MAPK14: variants seen among roughly 807,000 people sequenced by gnomAD.
MAPK14 encodes CSAID-binding protein.
MAPK14 carries 16 observed loss-of-function variants against 49.6 expected under a neutral mutation model. The ratio of observed to expected loss-of-function variants is 0.32; its 90% CI spans 0.22 to 0.49. The LOEUF (loss-of-function observed/expected upper bound fraction) is 0.49. MAPK14 is among the 20% of genes least tolerant of loss of function. The probability of loss-of-function intolerance (pLI) is 0.99; values close to 1 mark genes in which losing one functional copy is unlikely to be tolerated. For synonymous variants in MAPK14, 142 were observed against 158.0 expected, an observed-to-expected ratio of 0.90 and a Z score of 0.76; for missense variants, 200 against 441.2, an observed-to-expected ratio of 0.45 and a Z score of 4.90.
rs190586365 is a variant in MAPK14, at chr6:36,072,067, G to A, written c.306-806G>A. Among the ~76,000 whole-genome samples, 52 of 152,204 alleles carry A rather than the reference G, an allele frequency of 3.4e-4. 1 individual carries two copies. The East Asian group carries it at 9.9e-3, about 29-fold the overall frequency. On this transcript the variant is annotated intron_variant, in intron 3 of 11. Coordinates refer to ENST00000229794, the MANE Select transcript of MAPK14 (RefSeq NM_139012.3). ...TGTAAATGTTTAGAACAGATGGCAGGTAGTTAAAGTTAGAATAGTAATGTT... is the reference window on the plus strand; with the variant it reads ...TGTAAATGTTTAGAACAGATGGCAGATAGTTAAAGTTAGAATAGTAATGTT...
At chr6:36,047,982 T>C (rs1763248682) in intron 1 of MAPK14, among the ~76,000 whole-genome samples, 1 of 151,952 alleles carries the variant, frequency 6.6e-6, no homozygotes, top group Non-Finnish European at 1.5e-5. Flanking sequence ...AACCTTAGCC[T>C]CCCAAAGTGC....
Position 36,050,049 on chromosome 6 carries a change from A to G in MAPK14, c.117-2650A>G, listed in dbSNP as rs545053368. Among the ~76,000 whole-genome samples the G allele has an allele frequency of 3.9e-5, 6 of 152,358 alleles. No homozygotes were observed. In the South Asian group the frequency reaches 1.2e-3, roughly 32 times the overall value. On this transcript the variant is annotated intron_variant, in intron 1 of 11. Transcript: ENST00000229794. ...TTTCGAGTAGGAAAATGAACTTACT[A>G]GAAGAAAATGGCTTTATTGAGAGCC...
At chr6:36,035,389 T>G (rs1434334168) in intron 1 of MAPK14, among the ~76,000 whole-genome samples, 2 of 152,252 alleles carry the variant, frequency 1.3e-5, no homozygotes, top group African/African-American at 4.8e-5. Context: ...GTGTTCTGAC[T>G]GCTCTGCCAA....
chr6:36,120,098 G>A, the MAPK14 span, among the ~76,000 whole-genome samples: 7 of 152,104 alleles, frequency 4.6e-5, no homozygotes, highest in African/African-American at 1.7e-4. Flanking sequence ...TGTAACCTCC[G>A]CAGGTTGCTT....
At chr6:36,103,064 CCCT>C in intron 10 of MAPK14, among the ~76,000 whole-genome samples, 1 of 152,258 alleles carries the variant, frequency 6.6e-6, no homozygotes, top group East Asian at 1.9e-4. Context: ...CCCAGGAGCT[CCCT>C]GCAGGGTGCT....
intron 9 of MAPK14, chr6:36,097,822 T>G (rs1321700529): frequency 6.6e-6 from 1 of 152,164 alleles, no homozygotes; most frequent in Non-Finnish European, 1.5e-5. Flanking sequence ...TGAGGCACAT[T>G]ATACATTTCA....
At chr6:36,115,276 A>G (rs544908599), downstream of MAPK14, among the ~76,000 whole-genome samples, 5 of 152,332 alleles carry the variant, frequency 3.3e-5, no homozygotes, top group African/African-American at 1.2e-4. Context: ...TTGCAGCAGA[A>G]AAGAAGAAGG....
At chr6:36,058,323 T>C (rs851017) in intron 2 of MAPK14, among the ~76,000 whole-genome samples, 150,809 of 152,302 alleles carry the variant, frequency 0.99, 74,669 homozygotes, top group Middle Eastern at 1. Context: ...CAACCATGGA[T>C]GTGTGACCTT....
In MAPK14 at chr6:36,091,009, G is replaced by A. The variant is rs375595996; in HGVS notation, c.683-4978G>A. 3.8e-4 allele frequency among the ~76,000 whole-genome samples: 58 copies of A among 152,322 alleles called. No individual in the cohort carries two copies. The Middle Eastern group carries it at 0.014, about 36-fold the overall frequency. On this transcript the variant is annotated intron_variant, in intron 8 of 11. Coordinates refer to ENST00000229794, the MANE Select transcript of MAPK14 (RefSeq NM_139012.3). ...GCTAAGTCTTATTCTAGTCTATCCT[G>A]TCTGTCACCAGGAAGATTTCCTACC... is the stretch of plus-strand genomic sequence containing the variant.
intron 2 of MAPK14, among the ~76,000 whole-genome samples, chr6:36,058,742 G>C (rs1272538343): frequency 2.0e-5 from 3 of 152,066 alleles, no homozygotes; most frequent in Non-Finnish European, 2.9e-5. Context: ...TACAAAAAAA[G>C]AAAAATTAGC....
chr6:36,113,436 A>C (rs187020559), downstream of MAPK14, among the ~76,000 whole-genome samples: 2 of 152,146 alleles, frequency 1.3e-5, no homozygotes, highest in African/African-American at 4.8e-5. Context: ...TACTGGAAGT[A>C]ACCCACATAT....
intron 8 of MAPK14, among the ~76,000 whole-genome samples, chr6:36,094,718 G>A (rs773949999): frequency 1.6e-4 from 25 of 152,204 alleles, no homozygotes; most frequent in Non-Finnish European, 2.9e-4. Flanking sequence ...TTAGGCTGGG[G>A]ATAAATGGTG....
chr6:36,039,995 CAAAA>C (rs535039133), intron 1 of MAPK14, among the ~76,000 whole-genome samples: 1 of 81,698 alleles, frequency 1.2e-5, no homozygotes. Context: ...GACTCAGTCT[CAAAA>C]AAAAAAAAAA....
In MAPK14 at chr6:36,074,051, C is replaced by T; in HGVS notation, c.450C>T (p.Asp150=). The stretch of plus-strand genomic sequence containing the variant: ...TCTTCCCTGTATTTGCTTCCTAGGA[C>T]CTAAAACCTAGTAATCTAGCTGTGA... ...YIHSADIIHR[D]LKPSNLAVNE... The change falls in exon 6 of 12, where the codon GAC becomes GAT. Residue 150 remains aspartate, a splice_region_variant and synonymous_variant. Coordinates refer to ENST00000229794, the MANE Select transcript of MAPK14 (RefSeq NM_139012.3). The T allele has an allele frequency of 3.7e-6, 6 of 1,611,484 alleles. No individual in the cohort carries two copies. The highest frequency in any genetic ancestry group is 5.1e-6 in the Non-Finnish European group (6 of 1,177,812).
At chr6:36,114,359 G>A (rs900409396), downstream of MAPK14, among the ~76,000 whole-genome samples, 4 of 151,356 alleles carry the variant, frequency 2.6e-5, no homozygotes, top group Admixed American at 6.6e-5. Flanking sequence ...GCTCATGCCT[G>A]TAATCCCAGC....
chr6:36,033,923 A>G (rs902134845), intron 1 of MAPK14, among the ~76,000 whole-genome samples: 4 of 152,236 alleles, frequency 2.6e-5, no homozygotes, highest in Admixed American at 2.0e-4. Flanking sequence ...AGTTCTCACT[A>G]GCTCCATGGA....
At chr6:36,059,012 C>G (rs752144723) in intron 2 of MAPK14, among the ~76,000 whole-genome samples, 1 of 152,016 alleles carries the variant, frequency 6.6e-6, no homozygotes, top group African/African-American at 2.4e-5. Context: ...GCCTCAGCCT[C>G]CCGAGTAGCT....
rs1763187874 is a variant in MAPK14 at position 36,046,564 on chromosome 6, C to T, written c.117-6135C>T. The stretch of plus-strand genomic sequence containing the variant: ...TTTCATGAAAGAATTTAATTAACAT[C>T]CTCAAGATTATATAGCTATTAAGTG... On this transcript the variant is annotated intron_variant, in intron 1 of 11. Coordinates refer to ENST00000229794, the MANE Select transcript of MAPK14 (RefSeq NM_139012.3). 2.0e-5 allele frequency among the ~76,000 whole-genome samples: 3 copies of T among 152,216 alleles called. No homozygotes were observed. The South Asian group carries it at 6.2e-4, about 32-fold the overall frequency.
intron 9 of MAPK14, chr6:36,096,906 C>G (rs552126810): frequency 6.6e-6 from 1 of 152,328 alleles, no homozygotes; most frequent in East Asian, 1.9e-4. Context: ...GAAAGCCCAG[C>G]TTTTCTTTTT....
Sources: allele counts gnomAD v4.1 joint callset (sites outside exome capture counted in the v4.1 genomes callset), GRCh38; gene constraint gnomAD v4.1.1; transcripts MANE v1.5; gene names NCBI Gene and HGNC (gene_info 2026-07-23, HGNC 2026-07-21).